The following MYO1E variants were observed in gnomAD, a reference collection of about 807,000 sequenced individuals.
The protein encoded by MYO1E is unconventional myosin-Ie.
A neutral mutation model predicts 151.1 loss-of-function variants in MYO1E; 68 were observed. That is an observed-to-expected ratio of 0.45 (90% confidence interval 0.37 to 0.55). The LOEUF is 0.55. Ranked by LOEUF, MYO1E falls within the 20% of genes least tolerant of loss-of-function variation. MYO1E has a pLI of 0.00. For missense variants in MYO1E, 1,363 were observed against 1,389.3 expected (o/e 0.98, Z 0.30); for synonymous variants, 601 against 501.7 (o/e 1.20, Z -2.64).
At chr15:59,166,678 G>A (rs1182777685) in intron 22 of MYO1E, among the ~76,000 whole-genome samples, 5 of 152,002 alleles carry the variant, frequency 3.3e-5, no homozygotes, top group Admixed American at 2.0e-4. Context: ...ATACGGAGGC[G>A]AATCAAGAAG....
intron 1 of MYO1E, among the ~76,000 whole-genome samples, chr15:59,321,056 C>T (rs754543350): frequency 9.9e-5 from 15 of 152,146 alleles, no homozygotes; most frequent in East Asian, 3.9e-4. Context: ...CCAAACAAGA[C>T]GTACAAACTG....
intron 18 of MYO1E, among the ~76,000 whole-genome samples, chr15:59,181,356 T>C (rs889015777): frequency 5.3e-5 from 8 of 152,242 alleles, no homozygotes; most frequent in Admixed American, 4.6e-4. Flanking sequence ...TTTGGGCTTA[T>C]TTCTGCCAAC....
intron 1 of MYO1E, among the ~76,000 whole-genome samples, chr15:59,311,966 T>G (rs539025578): frequency 3.9e-4 from 60 of 152,340 alleles, no homozygotes; most frequent in Non-Finnish European, 6.8e-4. Context: ...CCCTCGATCA[T>G]GAACTTCCCA....
intron 1 of MYO1E, among the ~76,000 whole-genome samples, chr15:59,291,062 C>T (rs145071596): frequency 1.8e-4 from 28 of 152,322 alleles, no homozygotes; most frequent in African/African-American, 6.0e-4. Context: ...AACATCACCA[C>T]CTCAAACAGA....
At chr15:59,149,048 T>TG (rs1163365781) in intron 26 of MYO1E, among the ~76,000 whole-genome samples, 769 of 59,702 alleles carry the variant, frequency 0.013, 13 homozygotes, top group African/African-American at 0.038. Flanking sequence ...GTTTTTTTTT[T>TG]TTTGTTTTTT....
At chr15:59,154,113 T>A (rs78615742) in intron 25 of MYO1E, among the ~76,000 whole-genome samples, 13 of 152,160 alleles carry the variant, frequency 8.5e-5, no homozygotes, top group African/African-American at 3.1e-4. Context: ...TTGGTGGCAA[T>A]AGAATCCCCA....
chr15:59,340,453 T>C (rs1417513861), intron 1 of MYO1E, among the ~76,000 whole-genome samples: 1 of 152,142 alleles, frequency 6.6e-6, no homozygotes, highest in Non-Finnish European at 1.5e-5. Context: ...CTAATTTCTA[T>C]GGACTATTGG....
rs2080328616 is a variant in MYO1E, at chr15:59,277,573, A to AACAAAAAAAAC, written c.4-5125_4-5124insGTTTTTTTTGT. 2.0e-5 allele frequency among the ~76,000 whole-genome samples: 3 copies of AACAAAAAAAAC among 148,084 alleles called. No individual in the cohort carries two copies. The South Asian group carries it at 6.4e-4, about 32-fold the overall frequency. The stretch of plus-strand genomic sequence containing the variant: ...CAAAAAAAAAAAAAAAAAAAAAAAA[A>AACAAAAAAAAC]CATCAAAGCCTCATCCTCTTTGAGC... On this transcript the variant is annotated intron_variant, in intron 1 of 27. Transcript: ENST00000288235.
intron 18 of MYO1E, among the ~76,000 whole-genome samples, chr15:59,187,666 A>G (rs1307841078): frequency 6.6e-6 from 1 of 152,250 alleles, no homozygotes; most frequent in East Asian, 1.9e-4. Context: ...ATAGCCAAGA[A>G]GTGGAAACAA....
chr15:59,211,365 G>T (rs142848491), intron 12 of MYO1E, among the ~76,000 whole-genome samples: 293 of 152,116 alleles, frequency 1.9e-3, no homozygotes, highest in Non-Finnish European at 3.6e-3. Context: ...AGCTTCCTTT[G>T]CCAGGTCTTT....
At chr15:59,207,698 T>C in intron 14 of MYO1E, 3 of 1,613,974 alleles carry the variant, frequency 1.9e-6, no homozygotes, top group Non-Finnish European at 2.5e-6. Context: ...TGGAGTGGAG[T>C]GAACATAGCT....
intron 16 of MYO1E, among the ~76,000 whole-genome samples, chr15:59,196,517 G>C (rs1431607977): frequency 6.6e-6 from 1 of 152,058 alleles, no homozygotes; most frequent in Non-Finnish European, 1.5e-5. Context: ...AGCCAAAAGG[G>C]ACCTCCAAAG....
In MYO1E at chr15:59,224,725, A is replaced by G; in HGVS notation, c.741T>C (p.Asp247=). Residue 247 remains aspartate (D), a synonymous_variant, in exon 8 of 28, where the codon GAT becomes GAC. Coordinates refer to ENST00000288235, the MANE Select transcript of MYO1E (RefSeq NM_004998.4). ...GAAACTCCCGCCTGTCGTCAATGTC[A>G]TCAACCTTGTATGAGCCCGAGAGGC... ...YLSLSGSYKV[D]DIDDRREFQE... is the part of the protein sequence containing the mutation. The G allele has an allele frequency of 6.2e-7, 1 of 1,614,152 alleles. No homozygotes were observed. The highest frequency in any genetic ancestry group is 8.5e-7 in the Non-Finnish European group (1 of 1,179,952).
chr15:59,251,065 C>G (rs2080161893), intron 4 of MYO1E, among the ~76,000 whole-genome samples: 1 of 152,200 alleles, frequency 6.6e-6, no homozygotes, highest in Non-Finnish European at 1.5e-5. Flanking sequence ...GCAGAGGACT[C>G]TATCAGAAAA....
At chr15:59,313,636 A>G (rs542626130) in intron 1 of MYO1E, among the ~76,000 whole-genome samples, 119 of 152,240 alleles carry the variant, frequency 7.8e-4, no homozygotes, top group African/African-American at 2.8e-3. Flanking sequence ...ACCTCCAGCA[A>G]TTCCCAACTT....
At position 59,134,035 on chromosome 15, in the gene MYO1E, C is replaced by G. The variant is rs1345091443; in HGVS notation, c.*3345G>C. ...CACCTGGCAGGAGCCCGCTGTCACT[C>G]TGGTGCTCTGGGTAAGCTGCTGAGA... On this transcript the variant is annotated 3_prime_UTR_variant, in exon 28 of 28. Coordinates refer to ENST00000288235, the MANE Select transcript of MYO1E (RefSeq NM_004998.4). The G allele has an allele frequency of 6.6e-6, 1 of 152,414 alleles. No individual in the cohort carries two copies. The highest frequency in any genetic ancestry group is 2.1e-4 in the South Asian group (1 of 4,830). 9.4% of individuals were successfully genotyped at this position (152,414 alleles called of 1,614,324 possible).
intron 9 of MYO1E, among the ~76,000 whole-genome samples, chr15:59,220,186 C>T (rs1376226352): frequency 9.9e-5 from 15 of 152,192 alleles, no homozygotes; most frequent in Admixed American, 9.8e-4. Context: ...TGGTGGCTCA[C>T]GCCTCTAATT....
intron 12 of MYO1E, among the ~76,000 whole-genome samples, chr15:59,213,430 C>CAAAGTGCAG (rs2079893348): frequency 2.0e-5 from 3 of 151,974 alleles, no homozygotes; most frequent in Non-Finnish European, 1.5e-5. Flanking sequence ...CTCGGCCTCC[C>CAAAGTGCAG]AAAGTGCAGG....
intron 1 of MYO1E, among the ~76,000 whole-genome samples, chr15:59,324,694 G>C (rs2080652345): frequency 6.7e-6 from 1 of 149,978 alleles, no homozygotes; most frequent in South Asian, 2.1e-4. Context: ...GCATACAGCA[G>C]AGCCTGAGAA....
Sources: gnomAD v4.1 joint callset for allele counts (sites outside exome capture counted in the v4.1 genomes callset) on GRCh38, gnomAD v4.1.1 for gene constraint, MANE v1.5 for transcripts, NCBI Gene and HGNC (gene_info 2026-07-23, HGNC 2026-07-21) for gene names.